The following MAP7 variants were observed in gnomAD, a reference collection of about 807,000 sequenced individuals.
MAP7 encodes the protein microtubule associated protein 7.
MAP7 carries 52 observed loss-of-function variants against 94.8 expected under a neutral mutation model. The observed-to-expected ratio is 0.55, with a 90% CI of 0.44 to 0.69. The LOEUF is 0.69. Ranked by LOEUF, MAP7 falls within the 30% of genes least tolerant of loss-of-function variation. MAP7 has a pLI of 0.00. For missense variants in MAP7, 940 were observed against 964.6 expected (o/e 0.97, Z 0.34); for synonymous variants, 350 against 357.0 (o/e 0.98, Z 0.22).
intron 1 of MAP7, among the ~76,000 whole-genome samples, chr6:136,473,762 A>G (rs1382056698): frequency 6.6e-6 from 1 of 152,190 alleles, no homozygotes; most frequent in East Asian, 1.9e-4. Flanking sequence ...CGAACATTTA[A>G]AAAGAATAGT....
At chr6:136,495,690 G>A (rs551831312) in intron 1 of MAP7, among the ~76,000 whole-genome samples, 1 of 152,016 alleles carries the variant, frequency 6.6e-6, no homozygotes, top group African/African-American at 2.4e-5. Context: ...TCTTGGAAAG[G>A]TTTTCTCTAC....
At chr6:136,440,656 T>C (rs1797570475) in intron 1 of MAP7, among the ~76,000 whole-genome samples, 1 of 152,198 alleles carries the variant, frequency 6.6e-6, no homozygotes, top group African/African-American at 2.4e-5. Flanking sequence ...ATTACATGTT[T>C]ACTGCTTTGT....
intron 1 of MAP7, among the ~76,000 whole-genome samples, chr6:136,445,695 T>C (rs1351120118): frequency 2.6e-5 from 4 of 152,308 alleles, no homozygotes; most frequent in Non-Finnish European, 4.4e-5. Flanking sequence ...CTTGAACTTG[T>C]TGTCACTCAA....
chr6:136,478,449 A>G (rs529908852), intron 1 of MAP7, among the ~76,000 whole-genome samples: 76 of 151,152 alleles, frequency 5.0e-4, no homozygotes, highest in Non-Finnish European at 8.2e-4. Context: ...CAAACAAAAA[A>G]ACAAACCAAA....
At chr6:136,388,825 TATACGATACCATATTTACC>T (rs779566966) in intron 4 of MAP7, among the ~76,000 whole-genome samples, 7 of 152,152 alleles carry the variant, frequency 4.6e-5, no homozygotes, top group Non-Finnish European at 8.8e-5. Context: ...AACTGATGCT[TATACGATACCATATTTACC>T]ATACGATACC....
chr6:136,451,880 T>C (rs1237651768), intron 1 of MAP7, among the ~76,000 whole-genome samples: 1 of 152,170 alleles, frequency 6.6e-6, no homozygotes, highest in Non-Finnish European at 1.5e-5. Context: ...ATCTGAATAC[T>C]GAATTGCTGC....
chr6:136,482,996 C>T (rs1004326386), intron 1 of MAP7, among the ~76,000 whole-genome samples: 4 of 151,926 alleles, frequency 2.6e-5, no homozygotes, highest in Non-Finnish European at 5.9e-5. Flanking sequence ...TTCCACGTCC[C>T]TATTGATTGA....
intron 1 of MAP7, among the ~76,000 whole-genome samples, chr6:136,510,464 T>C (rs1419050244): frequency 6.6e-6 from 1 of 151,546 alleles, no homozygotes; most frequent in Non-Finnish European, 1.5e-5. Flanking sequence ...CACCAGTGAG[T>C]GGGAAGGAGG....
Position 136,356,764 on chromosome 6 carries a change from G to A in MAP7, c.1943C>T (p.Ala648Val). ...GCCAACTGGCTTTCCATTTCCCGGA[G>A]CGTTTGTTGTACATGGAAGTGCAGA... ...EVSALPCTTNAPGNGKPVGSP... is the reference protein window; with the variant it reads ...EVSALPCTTNVPGNGKPVGSP... The change falls in exon 16 of 18, where the codon GCT becomes GTT. Residue 648 changes from alanine to valine, a missense_variant. Physicochemically the swap from Ala to Val is moderately conservative, Grantham distance 64. Transcript: ENST00000354570. 6.2e-7 allele frequency: 1 copy of A among 1,614,128 alleles called. No homozygotes were observed. The highest frequency in any genetic ancestry group is 8.5e-7 in the Non-Finnish European group (1 of 1,180,006).
intron 1 of MAP7, among the ~76,000 whole-genome samples, chr6:136,540,572 A>C (rs1414608842): frequency 2.0e-5 from 3 of 152,208 alleles, no homozygotes; most frequent in African/African-American, 7.2e-5. Flanking sequence ...ATTTCCTTCA[A>C]AAAAGTCCTG....
At chr6:136,465,541 G>A (rs968557971) in intron 1 of MAP7, among the ~76,000 whole-genome samples, 3 of 152,112 alleles carry the variant, frequency 2.0e-5, no homozygotes, top group Non-Finnish European at 4.4e-5. Context: ...TCAGTTAGCC[G>A]ATTAAATATC....
Position 136,361,116 on chromosome 6 carries a change from C to T in MAP7, c.1590G>A (p.Glu530=). ...AEERTTRREE[E]SRRLEAEQAR... ...CCTGCTCGGCTTCCAGCCTGCGCGA[C>T]TCCTCCTCACGGCGAGTCGTCCTCT... Residue 530 remains glutamate, a synonymous_variant, in exon 12 of 18, where the codon GAG becomes GAA. Coordinates refer to ENST00000354570, the MANE Select transcript of MAP7 (RefSeq NM_003980.6). 1 of 1,601,680 alleles carries T rather than the reference C, an allele frequency of 6.2e-7. No individual in the cohort carries two copies. The highest frequency in any genetic ancestry group is 1.3e-5 in the African/African-American group (1 of 75,038).
chr6:136,394,931 C>CACATATATATATAT (rs1554243129), intron 3 of MAP7, among the ~76,000 whole-genome samples: 1 of 27,494 alleles, frequency 3.6e-5, no homozygotes, highest in Non-Finnish European at 9.2e-5. Flanking sequence ...AATATTCCAT[C>CACATATATATATAT]ATATATATAT....
chr6:136,473,723 C>T (rs1168589997), intron 1 of MAP7, among the ~76,000 whole-genome samples: 1 of 152,122 alleles, frequency 6.6e-6, no homozygotes, highest in African/African-American at 2.4e-5. Flanking sequence ...GGGTAAATTC[C>T]TCAAGAGGAA....
At chr6:136,479,718 A>C (rs1812126550) in intron 1 of MAP7, among the ~76,000 whole-genome samples, 1 of 152,132 alleles carries the variant, frequency 6.6e-6, no homozygotes, top group African/African-American at 2.4e-5. Flanking sequence ...ACCAACAGCA[A>C]ACAGTCAAAA....
intron 1 of MAP7, among the ~76,000 whole-genome samples, chr6:136,502,478 T>C (rs1820077549): frequency 6.6e-6 from 1 of 152,236 alleles, no homozygotes; most frequent in Admixed American, 6.5e-5. Context: ...TAGGAGTGCC[T>C]TGTGGAACCC....
intron 1 of MAP7, among the ~76,000 whole-genome samples, chr6:136,537,603 A>T (rs1828985367): frequency 6.6e-6 from 1 of 152,186 alleles, no homozygotes; most frequent in South Asian, 2.1e-4. Flanking sequence ...TTCAATAATA[A>T]TTCAGTTCTA....
At position 136,523,646 on chromosome 6, in the gene MAP7, T is replaced by C. The variant is rs557524626; in HGVS notation, c.67+26696A>G. Among the ~76,000 whole-genome samples the C allele has an allele frequency of 6.6e-5, 10 of 152,306 alleles. No individual in the cohort carries two copies. The South Asian group carries it at 1.4e-3, about 22-fold the overall frequency. ...TTTATTGAATGTGTCATAGAGACAATTGGTGATCCACAGAAAGTTTGGACA... is the reference window on the plus strand; with the variant it reads ...TTTATTGAATGTGTCATAGAGACAACTGGTGATCCACAGAAAGTTTGGACA... On this transcript the variant is annotated intron_variant, in intron 1 of 17. Coordinates refer to ENST00000354570, the MANE Select transcript of MAP7 (RefSeq NM_003980.6).
chr6:136,501,963 C>CAG (rs766471910), intron 1 of MAP7, among the ~76,000 whole-genome samples: 14 of 152,142 alleles, frequency 9.2e-5, no homozygotes, highest in Non-Finnish European at 1.6e-4. Flanking sequence ...CTTCATGGAC[C>CAG]AGAGCCTGGC....
Sources: gnomAD v4.1 joint callset for allele counts (sites outside exome capture counted in the v4.1 genomes callset) on GRCh38, gnomAD v4.1.1 for gene constraint, MANE v1.5 for transcripts, NCBI Gene and HGNC (gene_info 2026-07-23, HGNC 2026-07-21) for gene names.